FAN1: variants seen among roughly 807,000 people sequenced by gnomAD.
The protein encoded by FAN1 is FANCD2 and FANCI associated nuclease 1.
Under a neutral mutation model 104.9 loss-of-function variants are expected in FAN1, and 91 were observed. That is an observed-to-expected ratio of 0.87 (90% CI 0.73 to 1.03). The LOEUF (loss-of-function observed/expected upper bound fraction) is 1.03. FAN1 is among the 50% of genes least tolerant of loss of function. The pLI, the probability that FAN1 is intolerant of heterozygous loss-of-function variation, is 0.00. For synonymous variants in FAN1, 478 were observed against 457.6 expected, an observed-to-expected ratio of 1.04 and a Z score of -0.57; for missense variants, 1,263 against 1,239.9, an observed-to-expected ratio of 1.02 and a Z score of -0.28.
intron 2 of FAN1, chr15:30,906,615 G>A (rs1005850255): frequency 2.3e-5 from 10 of 435,098 alleles, no homozygotes; most frequent in South Asian, 4.8e-5. Flanking sequence ...TCACACTGTC[G>A]TTTAGTAAAA....
rs781585781 is a variant in FAN1 at position 30,922,343 on chromosome 15, C to T, written c.2161C>T (p.Arg721Cys). Residue 721 changes from arginine to cysteine, a missense_variant, in exon 8 of 15, where the codon CGC (arginine) becomes TGC (cysteine). By Grantham distance (180) the Arg-to-Cys change is radical. Transcript: ENST00000362065. ...CCTTAATTTACACCAGCACTTGAAG[C>T]GCCTGGAACCGGTACTCAGTAACAA... is the stretch of plus-strand genomic sequence containing the variant. ...LALNLHQHLK[R>C]LEPTIKCITE... is the part of the protein sequence containing the mutation. 24 of 1,610,162 alleles carry T rather than the reference C, an allele frequency of 1.5e-5. No individual in the cohort carries two copies. The highest frequency in any genetic ancestry group is 4.5e-5 in the East Asian group (2 of 44,872).
chr15:30,925,005 T>C, intron 8 of FAN1, 122 bp from the exon 9 acceptor site: 5 of 992,658 alleles, frequency 5.0e-6, no homozygotes, highest in Non-Finnish European at 7.4e-6. Flanking sequence ...AGAAGTGCTG[T>C]TTGCTCATTT....
intron 4 of FAN1, among the ~76,000 whole-genome samples, chr15:30,912,907 C>T (rs2062127986): frequency 6.6e-6 from 1 of 152,208 alleles, no homozygotes; most frequent in Non-Finnish European, 1.5e-5. Flanking sequence ...GTCTAAGCTG[C>T]TAGAGTCAGA....
intron 3 of FAN1, 90 bp from the exon 4 acceptor site, chr15:30,910,524 G>A (rs1181398298): frequency 5.4e-6 from 4 of 744,588 alleles, no homozygotes; most frequent in Non-Finnish European, 8.3e-6. Flanking sequence ...AATTTTCTTA[G>A]TAGCATTTCA....
rs746922259 is a variant in FAN1, at chr15:30,905,659, A to C, written c.996A>C (p.Ala332=). 1 of 1,614,188 alleles carries C rather than the reference A, an allele frequency of 6.2e-7. No individual in the cohort carries two copies. Among genetic ancestry groups the C allele is most frequent in the Non-Finnish European group, 8.5e-7 (1 of 1,180,000 alleles). ...ATAGTTCTGCAGATGATGCTTCTGC[A>C]TGGAGTAACATCCAAGAGGCTCCTC... The part of the protein sequence containing the change: ...KSHSSADDAS[A]WSNIQEAPLQ... The change falls in exon 2 of 15, where the codon GCA becomes GCC. Residue 332 remains alanine (A), a synonymous_variant. Transcript: ENST00000362065.
intron 10 of FAN1, 54 bp downstream of exon 10, chr15:30,925,993 G>A: frequency 1.9e-6 from 3 of 1,579,004 alleles, no homozygotes; most frequent in Non-Finnish European, 2.6e-6. Context: ...ACGAGCAGCA[G>A]CACTGGATGG....
chr15:30,922,694 A>G (rs1027649540), intron 8 of FAN1, among the ~76,000 whole-genome samples: 3 of 152,210 alleles, frequency 2.0e-5, no homozygotes, highest in African/African-American at 7.2e-5. Context: ...CCTTCAAGGA[A>G]GGTGTTTGTT....
intron 9 of FAN1, 86 bp downstream of exon 9, chr15:30,925,377 G>A (rs1380251610): frequency 3.9e-6 from 5 of 1,278,050 alleles, no homozygotes; most frequent in African/African-American, 1.5e-5. Flanking sequence ...GCTGTTTTGA[G>A]TGTGTGTTTT....
intron 13 of FAN1, among the ~76,000 whole-genome samples, chr15:30,934,625 C>T (rs2062803180): frequency 6.6e-6 from 1 of 152,192 alleles, no homozygotes; most frequent in South Asian, 2.1e-4. Flanking sequence ...AAGCAGTTCA[C>T]CTGCCGTGGT....
At chr15:30,930,498 T>C (rs757279106) in intron 12 of FAN1, 45 bp from the exon 13 acceptor site, 1 of 1,554,952 alleles carries the variant, frequency 6.4e-7, no homozygotes, top group South Asian at 1.2e-5. Context: ...ATTTCCATTC[T>C]CTGTCACGAG....
At chr15:30,925,648 C>T (rs187625623) in intron 9 of FAN1, 141 bp from the exon 10 acceptor site, 13 of 960,008 alleles carry the variant, frequency 1.4e-5, no homozygotes, top group Admixed American at 8.4e-5. Context: ...CGCAGTTCTG[C>T]GTGTGTGAGC....
chr15:30,904,576 G>T lies in FAN1; in HGVS notation c.-88G>T, dbSNP rs963747565. 7 of 1,339,408 alleles carry T rather than the reference G, an allele frequency of 5.2e-6. No individual in the cohort carries two copies. Among genetic ancestry groups the T allele is most frequent in the Non-Finnish European group, 6.4e-6 (6 of 939,352 alleles). The allele number at this position is 1,339,408 out of a possible 1,614,324, so 83.0% of individuals were successfully genotyped here. A position where few individuals can be genotyped will look rare whatever the true frequency, so the allele number is the denominator to read the frequency against. ...AGAATCCCACTTTTGGTGATTTCAA[G>T]TCAAGAAAGTAAAAGTAAACCATTG... On this transcript the variant is annotated 5_prime_UTR_variant, in exon 2 of 15. Transcript: ENST00000362065.
At position 30,942,556 on chromosome 15, in the gene FAN1, C is replaced by G. The variant is rs2063090636; in HGVS notation, c.*994C>G. On this transcript the variant is annotated 3_prime_UTR_variant, in exon 15 of 15. Transcript: ENST00000362065. ...GTTATTAGGACAAGAATATAGCAGTCAGGAGGCCATGACTACATCACAGCC... is the reference window on the plus strand; with the variant it reads ...GTTATTAGGACAAGAATATAGCAGTGAGGAGGCCATGACTACATCACAGCC... The G allele has an allele frequency of 2.9e-6, 1 of 342,360 alleles. No homozygotes were observed. Among genetic ancestry groups the G allele is most frequent in the Admixed American group, 4.4e-5 (1 of 22,812 alleles). 21.2% of individuals were successfully genotyped at this position (342,360 alleles called of 1,614,324 possible). A position where few individuals can be genotyped will look rare whatever the true frequency, so the allele number is the denominator to read the frequency against.
chr15:30,939,021 C>CT (rs2062950380), intron 14 of FAN1: 1 of 985,336 alleles, frequency 1.0e-6, no homozygotes, highest in African/African-American at 1.7e-5. Context: ...AACACATCTT[C>CT]TTGCTCATCC....
At chr15:30,913,345 A>G (rs1452574830) in intron 4 of FAN1, among the ~76,000 whole-genome samples, 1 of 152,220 alleles carries the variant, frequency 6.6e-6, no homozygotes, top group Non-Finnish European at 1.5e-5. Context: ...CTCTTCCATG[A>G]AACCACTCCT....
rs1414181413 is a variant in FAN1 at position 30,905,296 on chromosome 15, A to T, written c.633A>T (p.Gln211His). 1 of 1,614,092 alleles carries T rather than the reference A, an allele frequency of 6.2e-7. No homozygotes were observed. The highest frequency in any genetic ancestry group is 1.1e-5 in the South Asian group (1 of 91,086). The change falls in exon 2 of 15, where the codon CAA becomes CAT. Residue 211 changes from glutamine (Q) to histidine (H), a missense_variant. Transcript: ENST00000362065. ...DEDQILENSSQKENVFKCDSL... is the reference protein window; with the variant it reads ...DEDQILENSSHKENVFKCDSL... Reference sequence around the variant, plus strand: ...ATCAAATTTTGGAGAACAGTTCTCAAAAAGAAAACGTGTTTAAATGTGATT... The same window carrying T: ...ATCAAATTTTGGAGAACAGTTCTCATAAAGAAAACGTGTTTAAATGTGATT...
intron 12 of FAN1, among the ~76,000 whole-genome samples, chr15:30,929,649 TAATATA>T (rs1411342296): frequency 8.5e-4 from 56 of 66,028 alleles, no homozygotes; most frequent in African/African-American, 3.1e-3. Context: ...ATACAATATA[TAATATA>T]ATATATGAAA....
At chr15:30,907,327 G>A (rs895519275) in intron 2 of FAN1, among the ~76,000 whole-genome samples, 47 of 152,182 alleles carry the variant, frequency 3.1e-4, no homozygotes, top group African/African-American at 1.1e-3. Context: ...AGACTAGCCT[G>A]ACCAACATGG....
chr15:30,924,539 A>G (rs761252661), intron 8 of FAN1, among the ~76,000 whole-genome samples: 2 of 152,116 alleles, frequency 1.3e-5, no homozygotes, highest in Non-Finnish European at 2.9e-5. Flanking sequence ...GTGAAGTGGT[A>G]TCTCCTTGTG....
Sources: allele counts gnomAD v4.1 joint callset (sites outside exome capture counted in the v4.1 genomes callset), GRCh38; gene constraint gnomAD v4.1.1; transcripts MANE v1.5; gene names NCBI Gene and HGNC (gene_info 2026-07-23, HGNC 2026-07-21).